KDM5A: variants seen among roughly 807,000 people sequenced by gnomAD.
KDM5A encodes the protein lysine-specific demethylase 5A.
In KDM5A, 42 loss-of-function variants were observed where a neutral mutation model predicts 193.5. The observed-to-expected ratio is 0.22, with a 90% CI of 0.17 to 0.28. The LOEUF (loss-of-function observed/expected upper bound fraction) is 0.28. Among genes scored for constraint, KDM5A ranks in the 10% least tolerant of loss-of-function variants. KDM5A has a pLI of 1.00. For missense variants in KDM5A, 1,692 were observed against 2,055.1 expected (o/e 0.82, Z 3.42); for synonymous variants, 796 against 718.1 (o/e 1.11, Z -1.73).
chr12:312,248 C>CT (rs1323921076), intron 20 of KDM5A, among the ~76,000 whole-genome samples: 1 of 152,182 alleles, frequency 6.6e-6, no homozygotes, highest in Non-Finnish European at 1.5e-5. Flanking sequence ...TAAAATACGT[C>CT]TCTCCAACTA....
chr12:290,855 G>A (rs1248602455), intron 27 of KDM5A, among the ~76,000 whole-genome samples: 7 of 152,116 alleles, frequency 4.6e-5, no homozygotes, highest in African/African-American at 1.7e-4. Context: ...AAAATAAGAC[G>A]AAAGGCTCAT....
Position 307,081 on chromosome 12 carries a change from T to C in KDM5A, c.3939A>G (p.Leu1313=). The C allele has an allele frequency of 6.2e-7, 1 of 1,614,122 alleles. No homozygotes were observed. Among genetic ancestry groups the C allele is most frequent in the Non-Finnish European group, 8.5e-7 (1 of 1,179,996 alleles). ...AAANPDLQGH[L]PSFQQSAFNR... Reference sequence around the variant, plus strand: ...TAAAAGCAGACTGCTGGAAACTAGGTAAGTGTCCCTAAACAACAAATAATT... The same window carrying C: ...TAAAAGCAGACTGCTGGAAACTAGGCAAGTGTCCCTAAACAACAAATAATT... Residue 1313 remains leucine (L), a synonymous_variant, in exon 24 of 28, where the codon TTA becomes TTG. Coordinates refer to ENST00000399788, the MANE Select transcript of KDM5A (RefSeq NM_001042603.3). The surrounding 1 kb of genome is among the most constrained non-coding windows in gnomAD (Gnocchi z 4.3).
At position 296,690 on chromosome 12, in the gene KDM5A, A is replaced by G. The variant is rs150993065; in HGVS notation, c.4234+351T>C. ...CTAACAATTAAAGTTACCCAAAACC[A>G]GAATAAATATGCTTAAAAAGCAGCA... is the stretch of plus-strand genomic sequence containing the variant. On this transcript the variant is annotated intron_variant, in intron 25 of 27. Transcript: ENST00000399788. Among the ~76,000 whole-genome samples the G allele has an allele frequency of 3.2e-3, 486 of 152,344 alleles. 3 individuals carry two copies. Among genetic ancestry groups the G allele is most frequent in the African/African-American group, 0.011 (461 of 41,578 alleles).
At position 350,796 on chromosome 12, in the gene KDM5A, A is replaced by C. The variant is rs1378838605; in HGVS notation, c.1150-17T>G. ...GGGAACCATCTACACAGGGAAAAAA[A>C]AGATGACAAATTATTAAACCACTAT... On this transcript the variant is annotated splice_polypyrimidine_tract_variant and intron_variant, in intron 9 of 27. Transcript: ENST00000399788. The C allele has an allele frequency of 1.2e-6, 2 of 1,611,698 alleles. No homozygotes were observed. The highest frequency in any genetic ancestry group is 4.5e-5 in the East Asian group (2 of 44,882).
chr12:342,060 A>C (rs183825528), intron 10 of KDM5A, among the ~76,000 whole-genome samples: 2 of 152,338 alleles, frequency 1.3e-5, no homozygotes, highest in African/African-American at 4.8e-5. Context: ...AAAAAGCAAG[A>C]TCCAATTATA....
chr12:335,520 T>A (rs1283403174), intron 10 of KDM5A, among the ~76,000 whole-genome samples: 1 of 152,176 alleles, frequency 6.6e-6, no homozygotes, highest in Non-Finnish European at 1.5e-5. Context: ...AAAAAGTTGA[T>A]AACTGAATGT....
At chr12:354,006 T>C (rs1944197015) in intron 8 of KDM5A, 70 bp downstream of exon 8, 12 of 1,114,140 alleles carry the variant, frequency 1.1e-5, no homozygotes, top group African/African-American at 3.1e-5. Flanking sequence ...GGAATATGTT[T>C]ATATGTAGGT....
chr12:352,177 G>T, intron 9 of KDM5A, 28 bp downstream of exon 9: 1 of 1,566,552 alleles, frequency 6.4e-7, no homozygotes, highest in Non-Finnish European at 8.7e-7. Context: ...GTACCTCCCC[G>T]GACCGACCTA....
At position 321,048 on chromosome 12, in the gene KDM5A, C is replaced by G; in HGVS notation, c.2488G>C (p.Val830Leu). The change falls in exon 18 of 28, where the codon GTC (valine) becomes CTC (leucine). Residue 830 changes from valine (V) to leucine (L), a missense_variant. Transcript: ENST00000399788. ...KLTVEELKAF[V>L]QQLFSLPCVI... ...CACGGAAGACTAAAAAGTTGTTGGA[C>G]AAAGGCCTTCAATTCTTCCACTGTC... is the stretch of plus-strand genomic sequence containing the variant. 1 of 1,614,154 alleles carries G rather than the reference C, an allele frequency of 6.2e-7. No individual in the cohort carries two copies. Among genetic ancestry groups the G allele is most frequent in the East Asian group, 2.2e-5 (1 of 44,880 alleles).
At chr12:306,508 C>T (rs567031484) in intron 24 of KDM5A, among the ~76,000 whole-genome samples, 38 of 152,054 alleles carry the variant, frequency 2.5e-4, no homozygotes, top group African/African-American at 8.9e-4. Flanking sequence ...TTTGGGAGGC[C>T]GAGGCAGGCA....
intron 26 of KDM5A, among the ~76,000 whole-genome samples, 167 bp from the exon 27 acceptor site, chr12:293,336 T>C (rs1943324523): frequency 6.6e-6 from 1 of 152,226 alleles, no homozygotes; most frequent in Non-Finnish European, 1.5e-5. Flanking sequence ...TTAGTGGGTA[T>C]AGTTTCTGTT....
At chr12:301,858 A>G (rs1302883490) in intron 24 of KDM5A, among the ~76,000 whole-genome samples, 1 of 148,256 alleles carries the variant, frequency 6.7e-6, no homozygotes, top group Non-Finnish European at 1.5e-5. Flanking sequence ...AAAAATCACA[A>G]GCACTCCTAT....
chr12:299,509 T>C (rs552914978), intron 24 of KDM5A, among the ~76,000 whole-genome samples: 1 of 152,276 alleles, frequency 6.6e-6, no homozygotes, highest in African/African-American at 2.4e-5. Flanking sequence ...AGAGATTTTC[T>C]CACCACCAGA....
intron 16 of KDM5A, 89 bp downstream of exon 16, chr12:322,993 T>A: frequency 6.4e-7 from 1 of 1,565,298 alleles, no homozygotes. Flanking sequence ...ATTTTTCTTT[T>A]ACGGAAGGAA....
At chr12:318,810 GAATAA>G (rs1336929819) in intron 18 of KDM5A, among the ~76,000 whole-genome samples, 2 of 152,136 alleles carry the variant, frequency 1.3e-5, no homozygotes, top group African/African-American at 4.8e-5. Flanking sequence ...GTGAACATAG[GAATAA>G]AATGTTTCAG....
At chr12:360,462 G>C (rs1328608086) in intron 5 of KDM5A, among the ~76,000 whole-genome samples, 4 of 152,042 alleles carry the variant, frequency 2.6e-5, no homozygotes, top group Non-Finnish European at 5.9e-5. Flanking sequence ...GAAGAGAAAG[G>C]TATCACACAA....
In KDM5A at chr12:281,258, A is replaced by G. The variant is rs1377992144; in HGVS notation, c.*4198T>C. On this transcript the variant is annotated 3_prime_UTR_variant, in exon 28 of 28. Transcript: ENST00000399788. The stretch of plus-strand genomic sequence containing the variant: ...TTACCCTGATAAATTGTAAATAAAT[A>G]TGTAAGGGAATAATCAATAGGGAGT... The G allele has an allele frequency of 4.3e-6, 1 of 233,076 alleles. No individual in the cohort carries two copies. Among genetic ancestry groups the G allele is most frequent in the African/African-American group, 2.2e-5 (1 of 45,346 alleles). 14.4% of individuals were successfully genotyped at this position (233,076 alleles called of 1,614,324 possible).
intron 26 of KDM5A, among the ~76,000 whole-genome samples, chr12:294,426 A>G (rs1260085747): frequency 2.6e-5 from 4 of 152,246 alleles, no homozygotes; most frequent in Non-Finnish European, 4.4e-5. Flanking sequence ...AGCAGAATCC[A>G]AAAGAACACT....
At chr12:330,328 G>A (rs2137421059) in intron 13 of KDM5A, among the ~76,000 whole-genome samples, 1 of 152,218 alleles carries the variant, frequency 6.6e-6, no homozygotes, top group East Asian at 1.9e-4. Flanking sequence ...TTATTCCACA[G>A]ATAAAACTGC....
Sources: allele counts gnomAD v4.1 joint callset (sites outside exome capture counted in the v4.1 genomes callset), GRCh38; gene constraint gnomAD v4.1.1; non-coding constraint Gnocchi (gnomAD v3.1); transcripts MANE v1.5; gene names NCBI Gene and HGNC (gene_info 2026-07-23, HGNC 2026-07-21).